MPDZ: variants seen among roughly 807,000 people sequenced by gnomAD.
The protein encoded by MPDZ is multiple PDZ domain protein.
MPDZ carries 234 observed loss-of-function variants against 239.1 expected under a neutral mutation model. The ratio of observed to expected loss-of-function variants is 0.98; its 90% CI spans 0.88 to 1.09. MPDZ has a LOEUF of 1.09. MPDZ is among the 50% of genes least tolerant of loss of function. The pLI is 0.00. For missense variants in MPDZ, 3,175 were observed against 2,510.0 expected (o/e 1.26, Z -5.66); for synonymous variants, 1,048 against 881.3 (o/e 1.19, Z -3.35).
chr9:13,260,710 G>C (rs1428814517), intron 1 of MPDZ, among the ~76,000 whole-genome samples: 1 of 152,134 alleles, frequency 6.6e-6, no homozygotes, highest in East Asian at 1.9e-4. Context: ...CTGTCTATGT[G>C]CAAGCACTGA....
intron 1 of MPDZ, among the ~76,000 whole-genome samples, chr9:13,270,569 T>A (rs78490454): frequency 6.6e-6 from 1 of 151,868 alleles, no homozygotes; most frequent in South Asian, 2.1e-4. Context: ...TTTTTTTTTT[T>A]AAGAAAGTAA....
chr9:13,123,955 G>T (rs764696064), intron 35 of MPDZ, among the ~76,000 whole-genome samples: 21 of 152,266 alleles, frequency 1.4e-4, no homozygotes, highest in Non-Finnish European at 2.4e-4. Context: ...GAATAGATAA[G>T]AATAGATTAT....
chr9:13,126,346 T>C (rs1945110637), intron 34 of MPDZ, among the ~76,000 whole-genome samples, 170 bp downstream of exon 34: 1 of 152,224 alleles, frequency 6.6e-6, no homozygotes, highest in African/African-American at 2.4e-5. Context: ...TAACACCAAC[T>C]GGAAAATAAG....
At chr9:13,269,748 A>G (rs1336175699) in intron 1 of MPDZ, among the ~76,000 whole-genome samples, 4 of 152,204 alleles carry the variant, frequency 2.6e-5, no homozygotes, top group Admixed American at 1.3e-4. Context: ...ATCCGCTGAT[A>G]AGCTTGTCAG....
At chr9:13,164,471 G>C (rs1461310696) in intron 22 of MPDZ, among the ~76,000 whole-genome samples, 1 of 152,000 alleles carries the variant, frequency 6.6e-6, no homozygotes, top group Non-Finnish European at 1.5e-5. Context: ...TAAAGATTCA[G>C]TAAAACTCAT....
At chr9:13,234,956 T>C (rs1963551920) in intron 3 of MPDZ, among the ~76,000 whole-genome samples, 1 of 152,158 alleles carries the variant, frequency 6.6e-6, no homozygotes, top group Non-Finnish European at 1.5e-5. Flanking sequence ...GATAGGATGC[T>C]GAGAGCATTC....
intron 16 of MPDZ, among the ~76,000 whole-genome samples, chr9:13,189,440 A>C (rs961612274): frequency 6.6e-6 from 1 of 152,090 alleles, no homozygotes; most frequent in Non-Finnish European, 1.5e-5. Context: ...ATGAAAGAAT[A>C]GAGAGCAAGG....
chr9:13,208,384 C>G (rs908978394), intron 10 of MPDZ, among the ~76,000 whole-genome samples: 4 of 151,682 alleles, frequency 2.6e-5, no homozygotes, highest in Admixed American at 6.6e-5. Flanking sequence ...GTTCAAAAGG[C>G]TGCAGTGAGC....
At chr9:13,188,565 G>A (rs1203606369) in intron 17 of MPDZ, among the ~76,000 whole-genome samples, 2 of 151,932 alleles carry the variant, frequency 1.3e-5, no homozygotes, top group African/African-American at 4.8e-5. Context: ...AGACCAGTAA[G>A]TTAGAAGTTT....
At chr9:13,204,892 T>C (rs1956820277) in intron 12 of MPDZ, 144 bp downstream of exon 12, 2 of 457,918 alleles carry the variant, frequency 4.4e-6, no homozygotes, top group Non-Finnish European at 7.5e-6. Flanking sequence ...GTCACATTTA[T>C]AAACAGGGAT....
Position 13,192,280 on chromosome 9 carries a change from A to C in MPDZ, c.1819T>G (p.Leu607Val), listed in dbSNP as rs961907601. Residue 607 changes from leucine to valine, a missense_variant, in exon 15 of 47, where the codon TTA becomes GTA. Leu to Val is a conservative substitution (Grantham distance 32, BLOSUM62 1). Transcript: ENST00000319217. ...DELLEVNGITLLGENHQDVVN... is the reference protein window; with the variant it reads ...DELLEVNGITVLGENHQDVVN... ...ACATCTTGGTGATTTTCCCCAAGTA[A>C]AGTTATGCCATTTACCTGTGAAAAA... The C allele has an allele frequency of 6.3e-7, 1 of 1,598,354 alleles. No homozygotes were observed. Among genetic ancestry groups the C allele is most frequent in the Non-Finnish European group, 8.5e-7 (1 of 1,171,328 alleles).
chr9:13,217,024 CAATAT>C (rs1168263412), intron 9 of MPDZ, among the ~76,000 whole-genome samples, 151 bp downstream of exon 9: 2 of 151,792 alleles, frequency 1.3e-5, no homozygotes, highest in Non-Finnish European at 2.9e-5. Flanking sequence ...GTCTTAAATA[CAATAT>C]AAGAGTCACC....
intron 38 of MPDZ, 92 bp downstream of exon 38, chr9:13,121,647 G>T: frequency 1.5e-6 from 2 of 1,340,020 alleles, no homozygotes; most frequent in Non-Finnish European, 2.1e-6. Context: ...ACTAGCCACT[G>T]ATAAAAGATT....
At chr9:13,181,495 C>CT (rs1236006846) in intron 19 of MPDZ, among the ~76,000 whole-genome samples, 2 of 152,132 alleles carry the variant, frequency 1.3e-5, no homozygotes, top group African/African-American at 4.8e-5. Flanking sequence ...AACAGTCCTA[C>CT]TTTTTAAGAA....
rs774590252 is a variant in MPDZ, at chr9:13,236,245, G to GTATATATATATATATATATATA, written c.183+11389_183+11390insTATATATATATATATATATATA. On this transcript the variant is annotated intron_variant, in intron 3 of 46. Transcript: ENST00000319217. ...TGTGTGTATATGTATATGTGTGTGT[G>GTATATATATATATATATATATA]TGTGTATATATATATATATATATTT... 1.3e-3 allele frequency among the ~76,000 whole-genome samples: 17 copies of GTATATATATATATATATATATA among 13,464 alleles called. 3 individuals carry two copies. Among genetic ancestry groups the GTATATATATATATATATATATA allele is most frequent in the East Asian group, 0.026 (2 of 78 alleles). 8.8% of individuals were successfully genotyped at this position (13,464 alleles called of 152,430 possible).
chr9:13,268,175 CAT>C (rs1330396163), intron 1 of MPDZ, among the ~76,000 whole-genome samples: 64 of 148,792 alleles, frequency 4.3e-4, no homozygotes, highest in African/African-American at 1.5e-3. Context: ...TATATACACA[CAT>C]AGAGAGAGAG....
At chr9:13,269,156 T>C (rs1256750775) in intron 1 of MPDZ, among the ~76,000 whole-genome samples, 6 of 151,870 alleles carry the variant, frequency 4.0e-5, no homozygotes, top group African/African-American at 4.8e-5. Flanking sequence ...GAGGGGTGAA[T>C]GAGTGAGACA....
chr9:13,230,451 G>A (rs1196840016), intron 3 of MPDZ, among the ~76,000 whole-genome samples: 1 of 151,950 alleles, frequency 6.6e-6, no homozygotes, highest in South Asian at 2.1e-4. Flanking sequence ...AATAAAAGAA[G>A]AAAAATATTA....
rs926666803 is a variant in MPDZ, at chr9:13,123,246, G to C, written c.4860C>G (p.Cys1620Trp). ...PAIFASDPAT[C>W]PIIPGCETTI... ...TTGTTTCGCAGCCAGGGATAATGGG[G>C]CAGGTTGCAGGATCAGAAGCAAAAA... Residue 1620 changes from cysteine (C) to tryptophan (W), a missense_variant, in exon 36 of 47, where the codon TGC becomes TGG. By Grantham distance (215) the Cys-to-Trp change is radical. Transcript: ENST00000319217. 1 of 1,613,444 alleles carries C rather than the reference G, an allele frequency of 6.2e-7. No individual in the cohort carries two copies. The highest frequency in any genetic ancestry group is 8.5e-7 in the Non-Finnish European group (1 of 1,179,714).
Sources: allele counts gnomAD v4.1 joint callset (sites outside exome capture counted in the v4.1 genomes callset), GRCh38; gene constraint gnomAD v4.1.1; transcripts MANE v1.5; gene names NCBI Gene and HGNC (gene_info 2026-07-23, HGNC 2026-07-21).